PAQR9: variants seen among roughly 807,000 people sequenced by gnomAD.
PAQR9 encodes the protein membrane progestin receptor epsilon.
In PAQR9, 12 loss-of-function variants were observed where a neutral mutation model predicts 24.0. The ratio of observed to expected loss-of-function variants is 0.50; its 90% CI spans 0.32 to 0.81. PAQR9 has a LOEUF of 0.81. Ranked by LOEUF, PAQR9 falls within the 30% of genes least tolerant of loss-of-function variation. PAQR9 has a pLI of 0.03. For synonymous variants in PAQR9, 266 were observed against 237.6 expected (o/e 1.12, Z -1.10); for missense variants, 418 against 520.8 (o/e 0.80, Z 1.92).
chr3:142,953,514 C>T (rs376745916), downstream of PAQR9, among the ~76,000 whole-genome samples: 38 of 152,206 alleles, frequency 2.5e-4, no homozygotes, highest in African/African-American at 7.0e-4. Context: ...CCACATGCTC[C>T]GGAGCTTTAA....
chr3:142,955,143 C>G lies in PAQR9; in HGVS notation c.*7060G>C, dbSNP rs1472954493. On this transcript the variant is annotated 3_prime_UTR_variant, in exon 1 of 1. Transcript: ENST00000340634. Reference sequence around the variant, plus strand: ...GTTAACTCTTCCCTCTGCCTCTGACCTGAGGAAAAAATGAGTATGCCCCTT... The same window carrying G: ...GTTAACTCTTCCCTCTGCCTCTGACGTGAGGAAAAAATGAGTATGCCCCTT... Among the ~76,000 whole-genome samples, 1 of 152,012 alleles carries G rather than the reference C, an allele frequency of 6.6e-6. No homozygotes were observed.
In PAQR9 at chr3:142,959,926, A is replaced by G. The variant is rs1934861083; in HGVS notation, c.*2277T>C. Among the ~76,000 whole-genome samples, 1 of 152,214 alleles carries G rather than the reference A, an allele frequency of 6.6e-6. No homozygotes were observed. ...AACCAATGTTCTTTGGGGCTCTAGA[A>G]AAAACAACAATGACATGCAAATAAA... On this transcript the variant is annotated 3_prime_UTR_variant, in exon 1 of 1. Coordinates refer to ENST00000340634, the MANE Select transcript of PAQR9 (RefSeq NM_198504.4).
chr3:142,952,407 T>C (rs1166975193), downstream of PAQR9, among the ~76,000 whole-genome samples: 3 of 152,166 alleles, frequency 2.0e-5, no homozygotes, highest in Non-Finnish European at 4.4e-5. Context: ...AAATATCTAA[T>C]AGGTAGATTC....
At position 142,955,442 on chromosome 3, in the gene PAQR9, T is replaced by TAAAAAAAAAAAAA. The variant is rs150071656; in HGVS notation, c.*6748_*6760dup. Among the ~76,000 whole-genome samples the TAAAAAAAAAAAAA allele has an allele frequency of 2.3e-4, 5 of 21,600 alleles. No individual in the cohort carries two copies. The highest frequency in any genetic ancestry group is 3.0e-4 in the Non-Finnish European group (3 of 9,908). 14.2% of individuals were successfully genotyped at this position (21,600 alleles called of 152,430 possible). A position where few individuals can be genotyped will look rare whatever the true frequency, so the allele number is the denominator to read the frequency against. On this transcript the variant is annotated 3_prime_UTR_variant, in exon 1 of 1. Transcript: ENST00000340634. Reference sequence around the variant, plus strand: ...GAGCGACCACATGGTCTATACAAATTAAAAAAAAAAAAAAAAAAAAAAAAA... The same window carrying TAAAAAAAAAAAAA: ...GAGCGACCACATGGTCTATACAAATTAAAAAAAAAAAAAAAAAAAAAAAAAAAAAAAAAAAAAA...
rs1386794417 is a variant in PAQR9 at position 142,955,627 on chromosome 3, C to T, written c.*6576G>A. Reference sequence around the variant, plus strand: ...ACATTTTATTGGCTACGTTATTCACCATGCTTATAAACTCATCAAAGTGAA... The same window carrying T: ...ACATTTTATTGGCTACGTTATTCACTATGCTTATAAACTCATCAAAGTGAA... On this transcript the variant is annotated 3_prime_UTR_variant, in exon 1 of 1. Transcript: ENST00000340634. 6.6e-6 allele frequency among the ~76,000 whole-genome samples: 1 copy of T among 151,968 alleles called. No individual in the cohort carries two copies. The highest frequency in any genetic ancestry group is 1.5e-5 in the Non-Finnish European group (1 of 67,988).
Position 142,955,617 on chromosome 3 carries a change from C to T in PAQR9, c.*6586G>A, listed in dbSNP as rs370543966. Among the ~76,000 whole-genome samples, 92 of 152,100 alleles carry T rather than the reference C, an allele frequency of 6.0e-4. 1 individual carries two copies. The East Asian group carries it at 0.017, about 28-fold the overall frequency. Reference sequence around the variant, plus strand: ...CCAGGGCTGTACATTTTATTGGCTACGTTATTCACCATGCTTATAAACTCA... The same window carrying T: ...CCAGGGCTGTACATTTTATTGGCTATGTTATTCACCATGCTTATAAACTCA... On this transcript the variant is annotated 3_prime_UTR_variant, in exon 1 of 1. Coordinates refer to ENST00000340634, the MANE Select transcript of PAQR9 (RefSeq NM_198504.4).
chr3:142,962,101 G>T lies in PAQR9; in HGVS notation c.*102C>A. 1 of 1,349,782 alleles carries T rather than the reference G, an allele frequency of 7.4e-7. No homozygotes were observed. The allele number at this position is 1,349,782 out of a possible 1,614,324, so 83.6% of individuals were successfully genotyped here. ...TATGGTTTTGCAGCACCTTCCTTGA[G>T]CAAAGAAGAAAACACAATGAAATTT... On this transcript the variant is annotated 3_prime_UTR_variant, in exon 1 of 1. Coordinates refer to ENST00000340634, the MANE Select transcript of PAQR9 (RefSeq NM_198504.4).
Position 142,957,893 on chromosome 3 carries a change from T to C in PAQR9, c.*4310A>G, listed in dbSNP as rs563873512. 3.3e-5 allele frequency among the ~76,000 whole-genome samples: 5 copies of C among 152,338 alleles called. No homozygotes were observed. Among genetic ancestry groups the C allele is most frequent in the African/African-American group, 4.8e-5 (2 of 41,578 alleles). ...AATAAGATTCTATGGATTGCACTTA[T>C]GCTAGCAAAAAAAGAGACCCAAACT... On this transcript the variant is annotated 3_prime_UTR_variant, in exon 1 of 1. Coordinates refer to ENST00000340634, the MANE Select transcript of PAQR9 (RefSeq NM_198504.4).
At chr3:142,950,243 C>T (rs1934695119), downstream of PAQR9, 1 of 104,414 alleles carries the variant, frequency 9.6e-6, no homozygotes, top group African/African-American at 5.5e-5. Context: ...TTTTGGTAAG[C>T]CTTGTAATTT....
At chr3:142,963,943 G>T, upstream of PAQR9, 2 of 947,896 alleles carry the variant, frequency 2.1e-6, no homozygotes, top group South Asian at 4.8e-5. Flanking sequence ...CGGCGCGCGC[G>T]CCGAGTACTA....
At chr3:142,949,564 C>A (rs1934687674) in exon 3 of PAQR9, 1 of 152,154 alleles carries the variant, frequency 6.6e-6, no homozygotes, top group Non-Finnish European at 1.5e-5. Flanking sequence ...TCTTATTAAT[C>A]CTATGGCTTA....
At position 142,957,466 on chromosome 3, in the gene PAQR9, G is replaced by T. The variant is rs906594870; in HGVS notation, c.*4737C>A. 3.3e-5 allele frequency among the ~76,000 whole-genome samples: 5 copies of T among 152,130 alleles called. No homozygotes were observed. Among genetic ancestry groups the T allele is most frequent in the Admixed American group, 6.5e-5 (1 of 15,276 alleles). On this transcript the variant is annotated 3_prime_UTR_variant, in exon 1 of 1. Coordinates refer to ENST00000340634, the MANE Select transcript of PAQR9 (RefSeq NM_198504.4). ...TCCAGATTAATGTTTTCTAAGACAT[G>T]TTTCATAAGTTACAACACAAAGATC...
At position 142,955,114 on chromosome 3, in the gene PAQR9, C is replaced by G. The variant is rs897234803; in HGVS notation, c.*7089G>C. 2.0e-4 allele frequency among the ~76,000 whole-genome samples: 30 copies of G among 152,094 alleles called. No individual in the cohort carries two copies. The highest frequency in any genetic ancestry group is 6.8e-4 in the African/African-American group (28 of 41,430). Reference sequence around the variant, plus strand: ...AGACACATGAAGGTCTCTATTTGATCACTGTTAACTCTTCCCTCTGCCTCT... The same window carrying G: ...AGACACATGAAGGTCTCTATTTGATGACTGTTAACTCTTCCCTCTGCCTCT... On this transcript the variant is annotated 3_prime_UTR_variant, in exon 1 of 1. Coordinates refer to ENST00000340634, the MANE Select transcript of PAQR9 (RefSeq NM_198504.4).
At position 142,962,484 on chromosome 3, in the gene PAQR9, C is replaced by T. The variant is rs753893860; in HGVS notation, c.853G>A (p.Val285Met). 14 of 1,613,132 alleles carry T rather than the reference C, an allele frequency of 8.7e-6. No individual in the cohort carries two copies. In the South Asian group the frequency reaches 1.2e-4, roughly 14 times the overall value. ...CTCACGTTGAAGAAGGCGGCCACCA[C>T]CAGCCAGAAGTAGCGGCGGTAGAAG... ...VHFYRRYFWL[V>M]VAAFFNVSKI... The change falls in exon 1 of 1, where the codon GTG becomes ATG. Residue 285 changes from valine (V) to methionine (M), a missense_variant. Coordinates refer to ENST00000340634, the MANE Select transcript of PAQR9 (RefSeq NM_198504.4).
At chr3:142,951,663 T>C (rs1934713900), downstream of PAQR9, 1 of 454,330 alleles carries the variant, frequency 2.2e-6, no homozygotes, top group East Asian at 6.9e-5. Flanking sequence ...AGAATTAGAA[T>C]GTCTCTAAAT....
chr3:142,963,125 TGGG>T lies in PAQR9; in HGVS notation c.209_211del (p.Ala70_Gln71delinsGlu). 1 of 1,613,030 alleles carries T rather than the reference TGGG, an allele frequency of 6.2e-7. No homozygotes were observed. ...CTTCAGCACCGAGGCTAGGCACTCCTGGGCCGTGCACGGCAGACGCCGGTAGCC... is the reference window on the plus strand; with the variant it reads ...CTTCAGCACCGAGGCTAGGCACTCCTCCGTGCACGGCAGACGCCGGTAGCC... On this transcript the variant is annotated inframe_deletion, in exon 1 of 1. Coordinates refer to ENST00000340634, the MANE Select transcript of PAQR9 (RefSeq NM_198504.4).
rs72193243 is a variant in PAQR9, at chr3:142,957,568, GGTTT to G, written c.*4631_*4634del. 3.9e-3 allele frequency among the ~76,000 whole-genome samples: 584 copies of G among 151,632 alleles called. 5 individuals are homozygous for G. Among genetic ancestry groups the G allele is most frequent in the African/African-American group, 0.013 (523 of 41,028 alleles). ...CATTTACCTTCTTATGTATGTGATT[GGTTT>G]GTTTGTTTGTTTTATTACACTATAA... On this transcript the variant is annotated 3_prime_UTR_variant, in exon 1 of 1. Transcript: ENST00000340634.
Position 142,961,823 on chromosome 3 carries a change from T to C in PAQR9, c.*380A>G. ...AGGATTCTATTTACCCTCTTTACTG[T>C]GTACCTGACCTCACAGGGGCTACTC... On this transcript the variant is annotated 3_prime_UTR_variant, in exon 1 of 1. Coordinates refer to ENST00000340634, the MANE Select transcript of PAQR9 (RefSeq NM_198504.4). 9.0e-6 allele frequency: 2 copies of C among 221,836 alleles called. No homozygotes were observed. Among genetic ancestry groups the C allele is most frequent in the Admixed American group, 5.2e-5 (1 of 19,078 alleles). 13.7% of individuals were successfully genotyped at this position (221,836 alleles called of 1,614,324 possible). A position where few individuals can be genotyped will look rare whatever the true frequency, so the allele number is the denominator to read the frequency against.
In PAQR9 at chr3:142,963,061, G is replaced by A. The variant is rs1344278979; in HGVS notation, c.276C>T (p.Ile92=). 3 of 1,614,196 alleles carry A rather than the reference G, an allele frequency of 1.9e-6. No homozygotes were observed. Among genetic ancestry groups the A allele is most frequent in the Admixed American group, 1.7e-5 (1 of 60,026 alleles). The part of the protein sequence containing the change: ...NETLNFWTHF[I]PLLLFLSKFC... ...ACTTGCTCAGGAACAGCAGCAGCGG[G>A]ATGAAGTGCGTCCAGAAGTTGAGCG... Residue 92 remains isoleucine, a synonymous_variant, in exon 1 of 1, where the codon ATC becomes ATT. Transcript: ENST00000340634.
Sources: gnomAD v4.1 joint callset for allele counts (sites outside exome capture counted in the v4.1 genomes callset) on GRCh38, gnomAD v4.1.1 for gene constraint, MANE v1.5 for transcripts, NCBI Gene and HGNC (gene_info 2026-07-23, HGNC 2026-07-21) for gene names.